The following INPP5D variants were observed in gnomAD, a reference collection of about 807,000 sequenced individuals.
INPP5D encodes the protein inositol polyphosphate-5-phosphatase D, also known as phosphatidylinositol 3,4,5-trisphosphate 5-phosphatase 1.
In INPP5D, 33 loss-of-function variants were observed where a neutral mutation model predicts 122.9. That is an observed-to-expected ratio of 0.27 (90% CI 0.20 to 0.36). The LOEUF (loss-of-function observed/expected upper bound fraction) is 0.36. Among genes scored for constraint, INPP5D ranks in the 10% least tolerant of loss-of-function variants. INPP5D has a pLI of 1.00. For missense variants in INPP5D, 1,053 were observed against 1,412.7 expected (o/e 0.75, Z 4.08); for synonymous variants, 584 against 576.2 (o/e 1.01, Z -0.19).
At chr2:233,129,267 GAATA>G (rs577160186) in intron 4 of INPP5D, among the ~76,000 whole-genome samples, 40 of 152,284 alleles carry the variant, frequency 2.6e-4, no homozygotes, top group African/African-American at 8.7e-4. Flanking sequence ...TGTAAAACAG[GAATA>G]ATTAGTAATA....
At position 233,186,348 on chromosome 2, in the gene INPP5D, C is replaced by T. The variant is rs115063558; in HGVS notation, c.2358+423C>T. Among the ~76,000 whole-genome samples, 336 of 152,190 alleles carry T rather than the reference C, an allele frequency of 2.2e-3. 2 individuals are homozygous for T. Among genetic ancestry groups the T allele is most frequent in the African/African-American group, 7.7e-3 (318 of 41,520 alleles). ...CCTATTCAGTGCTGGTTCATAGAAT[C>T]GAGTACAAAGAGGCATAGAGAGGGG... is the stretch of plus-strand genomic sequence containing the variant. On this transcript the variant is annotated intron_variant, in intron 21 of 26. Coordinates refer to ENST00000445964, the MANE Select transcript of INPP5D (RefSeq NM_001017915.3).
chr2:233,185,929 A>G lies in INPP5D; in HGVS notation c.2358+4A>G. 6.3e-7 allele frequency: 1 copy of G among 1,593,794 alleles called. No homozygotes were observed. Among genetic ancestry groups the G allele is most frequent in the Non-Finnish European group, 8.6e-7 (1 of 1,169,578 alleles). ...GTTTGGTGAGACTCTTCCAAAGGTA[A>G]TTCTAGAGCAAGGCATTCCCCAGAG... On this transcript the variant is annotated splice_donor_region_variant and intron_variant, in intron 21 of 26. Transcript: ENST00000445964.
At chr2:233,122,993 A>G (rs1170746797) in intron 3 of INPP5D, among the ~76,000 whole-genome samples, 1 of 152,254 alleles carries the variant, frequency 6.6e-6, no homozygotes, top group Non-Finnish European at 1.5e-5. Context: ...TAAGCACTCC[A>G]TAAATGCAGC....
rs532857936 is a variant in INPP5D, at chr2:233,204,974, T to A, written c.3567+257T>A. 12 of 491,244 alleles carry A rather than the reference T, an allele frequency of 2.4e-5. 1 individual carries two copies. In the South Asian group the frequency reaches 4.2e-4, roughly 17 times the overall value. The allele number at this position is 491,244 out of a possible 1,614,324, so 30.4% of individuals were successfully genotyped here. A position where few individuals can be genotyped will look rare whatever the true frequency, so the allele number is the denominator to read the frequency against. On this transcript the variant is annotated intron_variant, in intron 26 of 26. Transcript: ENST00000445964. Reference sequence around the variant, plus strand: ...CCCTGCATTGCCTCTGCAGCAGTTGTTAAAAGGAAGAAAGGCGGGGCTGTG... The same window carrying A: ...CCCTGCATTGCCTCTGCAGCAGTTGATAAAAGGAAGAAAGGCGGGGCTGTG...
In INPP5D at chr2:233,204,575, C is replaced by T; in HGVS notation, c.3425C>T (p.Pro1142Leu). The change falls in exon 26 of 27, where the codon CCG (proline) becomes CTG (leucine). Residue 1142 changes from proline (P) to leucine (L), a missense_variant. Around this residue, in one of 6 missense-constraint regions of INPP5D, gnomAD observed 417 missense variants for 425.8 expected, o/e 0.98. Transcript: ENST00000445964. Reference sequence around the variant, plus strand: ...CCGCCCACCCCGACGCCGCGGCCGCCGCTGCCAGTCAAGAGCCCGGCGGTG... The same window carrying T: ...CCGCCCACCCCGACGCCGCGGCCGCTGCTGCCAGTCAAGAGCCCGGCGGTG... ...QTPPTPTPRP[P>L]LPVKSPAVLH... The T allele has an allele frequency of 1.3e-6, 2 of 1,566,758 alleles. No individual in the cohort carries two copies. The highest frequency in any genetic ancestry group is 1.7e-6 in the Non-Finnish European group (2 of 1,157,146).
chr2:233,104,964 G>A (rs888216894), intron 2 of INPP5D, among the ~76,000 whole-genome samples: 2 of 152,196 alleles, frequency 1.3e-5, no homozygotes, highest in African/African-American at 2.4e-5. Context: ...CACAGGAGCT[G>A]TGGAGTATAA....
chr2:233,113,657 C>T (rs780006726), intron 2 of INPP5D, among the ~76,000 whole-genome samples: 11 of 152,110 alleles, frequency 7.2e-5, no homozygotes, highest in Non-Finnish European at 1.2e-4. Flanking sequence ...CAAGTTACTG[C>T]AGCCAGAGAT....
At chr2:233,094,867 A>G (rs1485121944) in intron 2 of INPP5D, among the ~76,000 whole-genome samples, 2 of 152,216 alleles carry the variant, frequency 1.3e-5, no homozygotes, top group South Asian at 4.1e-4. Context: ...GCAAATTGCC[A>G]ATGTCTATCA....
intron 25 of INPP5D, among the ~76,000 whole-genome samples, chr2:233,201,010 AGAT>A (rs1695316448): frequency 6.7e-6 from 1 of 148,860 alleles, no homozygotes; most frequent in Non-Finnish European, 1.5e-5. Flanking sequence ...ATAAATAAAT[AGAT>A]GAGAGGAAGT....
chr2:233,088,564 A>G (rs1459857364), intron 2 of INPP5D, among the ~76,000 whole-genome samples: 1 of 152,250 alleles, frequency 6.6e-6, no homozygotes, highest in Non-Finnish European at 1.5e-5. Context: ...CTCCTCAGAA[A>G]CAGTGGGAGG....
Position 233,175,832 on chromosome 2 carries a change from G to A in INPP5D, c.1990-1433G>A, listed in dbSNP as rs546626517. Among the ~76,000 whole-genome samples the A allele has an allele frequency of 2.6e-5, 4 of 152,052 alleles. No individual in the cohort carries two copies. The East Asian group carries it at 5.8e-4, about 22-fold the overall frequency. On this transcript the variant is annotated intron_variant, in intron 17 of 26. Coordinates refer to ENST00000445964, the MANE Select transcript of INPP5D (RefSeq NM_001017915.3). ...TGAGTAGCTGGGATTACAGGCATGC[G>A]CCACCATGCCCGGGTAATTTTGTAT...
chr2:233,079,469 A>G, intron 2 of INPP5D, 71 bp downstream of exon 2: 3 of 1,016,438 alleles, frequency 3.0e-6, no homozygotes, highest in Non-Finnish European at 4.7e-6. Context: ...GGTGTAAACG[A>G]TGAGGAAGGA....
In INPP5D at chr2:233,206,191, C is replaced by T. The variant is rs4663784; in HGVS notation, c.3568-515C>T. ...TGTAAAAAGGGGCTGTTAATAGTAC[C>T]TACCTCATAGACTTAGAAGGAGAAT... On this transcript the variant is annotated intron_variant, in intron 26 of 26. Coordinates refer to ENST00000445964, the MANE Select transcript of INPP5D (RefSeq NM_001017915.3). This position sits in a 1 kb window ranked among gnomAD's most constrained non-coding sequence, Gnocchi z 4.0. Among the ~76,000 whole-genome samples the T allele has an allele frequency of 0.21, 32,642 of 152,010 alleles. 3,914 individuals carry two copies. Among genetic ancestry groups the T allele is most frequent in the Middle Eastern group, 0.41 (121 of 294 alleles).
intron 2 of INPP5D, among the ~76,000 whole-genome samples, chr2:233,085,770 T>C (rs1273621429): frequency 6.6e-6 from 1 of 152,196 alleles, no homozygotes; most frequent in African/African-American, 2.4e-5. Flanking sequence ...GCAAGATCCC[T>C]AATCCCTTCC....
At position 233,177,875 on chromosome 2, in the gene INPP5D, C is replaced by T. The variant is rs78674368; in HGVS notation, c.2071+529C>T. On this transcript the variant is annotated intron_variant, in intron 18 of 26. Transcript: ENST00000445964. This position sits in a 1 kb window ranked among gnomAD's most constrained non-coding sequence, Gnocchi z 4.2. ...CAGGCATGAGCCACCGCGGCCGACC[C>T]GGAGCACTTTTTTAAAAATTCAGTT... 0.024 allele frequency among the ~76,000 whole-genome samples: 3,587 copies of T among 152,236 alleles called. 57 individuals are homozygous for T. The highest frequency in any genetic ancestry group is 0.042 in the African/African-American group (1,725 of 41,532).
At chr2:233,187,248 T>G (rs538087930) in intron 21 of INPP5D, among the ~76,000 whole-genome samples, 148 of 152,156 alleles carry the variant, frequency 9.7e-4, no homozygotes, top group Non-Finnish European at 8.4e-4. Context: ...AGTGGAGATG[T>G]TGGGTGTCCT....
intron 2 of INPP5D, among the ~76,000 whole-genome samples, chr2:233,102,718 C>T (rs181929486): frequency 0.041 from 6,244 of 151,964 alleles, 180 homozygotes; most frequent in African/African-American, 0.075. Context: ...GACGTGGTGG[C>T]GGGCGCCTGT....
chr2:233,184,697 G>T (rs1345830684), intron 20 of INPP5D, among the ~76,000 whole-genome samples, 176 bp downstream of exon 20: 5 of 152,220 alleles, frequency 3.3e-5, no homozygotes, highest in Non-Finnish European at 5.9e-5. Context: ...ATTGTGAGGG[G>T]TCCCCCTGTG....
intron 2 of INPP5D, among the ~76,000 whole-genome samples, chr2:233,088,611 T>G (rs552016782): frequency 6.6e-6 from 1 of 152,312 alleles, no homozygotes; most frequent in African/African-American, 2.4e-5. Context: ...TTTTGAGGAC[T>G]AAAAGAGATG....
Sources: gnomAD v4.1 joint callset for allele counts (sites outside exome capture counted in the v4.1 genomes callset) on GRCh38, gnomAD v4.1.1 for gene constraint, gnomAD v4.1.1 regional missense constraint, Gnocchi (gnomAD v3.1) non-coding constraint, MANE v1.5 for transcripts, NCBI Gene and HGNC (gene_info 2026-07-23, HGNC 2026-07-21) for gene names.